EVC: variants seen among roughly 807,000 people sequenced by gnomAD.
The protein encoded by EVC is evC complex member EVC.
A neutral mutation model predicts 118.9 loss-of-function variants in EVC; 116 were observed. That is an observed-to-expected ratio of 0.98 (90% confidence interval 0.84 to 1.14). The LOEUF (loss-of-function observed/expected upper bound fraction) is 1.14, where lower values mean the gene tolerates loss of function less well. EVC is among the 50% of genes most tolerant of loss of function. EVC has a pLI of 0.00. For missense variants in EVC, 1,401 were observed against 1,246.4 expected, an observed-to-expected ratio of 1.12 and a Z score of -1.87; for synonymous variants, 619 against 534.7, an observed-to-expected ratio of 1.16 and a Z score of -2.18.
At chr4:5,734,613 C>T (rs1727375336) in intron 5 of EVC, among the ~76,000 whole-genome samples, 1 of 152,206 alleles carries the variant, frequency 6.6e-6, no homozygotes, top group Admixed American at 6.5e-5. Context: ...ACTGTGATCA[C>T]ACCACTGCAC....
In EVC at chr4:5,742,045, A is replaced by T. The variant is rs113335641; in HGVS notation, c.801+231A>T. Among the ~76,000 whole-genome samples, 6 of 140,332 alleles carry T rather than the reference A, an allele frequency of 4.3e-5. No homozygotes were observed. The highest frequency in any genetic ancestry group is 1.6e-4 in the African/African-American group (6 of 36,458). 92.1% of individuals were successfully genotyped at this position (140,332 alleles called of 152,430 possible). A position where few individuals can be genotyped will look rare whatever the true frequency, so the allele number is the denominator to read the frequency against. ...GAGAATAATATTGGTCATATCTACT[A>T]CTCAAAGACGGTCACTGTTAATGTT... On this transcript the variant is annotated intron_variant, in intron 6 of 20. Coordinates refer to ENST00000264956, the MANE Select transcript of EVC (RefSeq NM_153717.3). This position sits in a 1 kb window ranked among gnomAD's most constrained non-coding sequence, Gnocchi z 5.2.
chr4:5,783,560 C>T lies in EVC; in HGVS notation c.1572C>T (p.Tyr524=), dbSNP rs1735952327. ...GTGGTTCTCCGCTCCAGGAGCTGTA[C>T]TTCAGCACCGTGGACACTTTCCAGA... ...EAVVALCQEL[Y]FSTVDTFQKF... Residue 524 remains tyrosine (Y), a synonymous_variant, in exon 12 of 21, where the codon TAC becomes TAT. Transcript: ENST00000264956. 6.2e-7 allele frequency: 1 copy of T among 1,614,158 alleles called. No individual in the cohort carries two copies. The highest frequency in any genetic ancestry group is 1.6e-4 in the Middle Eastern group (1 of 6,062).
intron 1 of EVC, among the ~76,000 whole-genome samples, chr4:5,715,228 C>A (rs1296760523): frequency 6.6e-6 from 1 of 152,184 alleles, no homozygotes; most frequent in African/African-American, 2.4e-5. Context: ...TCCATTTTAT[C>A]TTCTTGAGAA....
intron 17 of EVC, among the ~76,000 whole-genome samples, chr4:5,805,669 G>C (rs1715755254): frequency 1.3e-5 from 2 of 152,134 alleles, no homozygotes; most frequent in African/African-American, 4.8e-5. Flanking sequence ...CGCACCAAGG[G>C]ATACTGATAG....
At chr4:5,711,577 GGCGGGGCGGGGAGC>G in intron 1 of EVC, 23 bp downstream of exon 1, 2 of 1,164,284 alleles carry the variant, frequency 1.7e-6, no homozygotes, top group Non-Finnish European at 2.1e-6. Flanking sequence ...AGCAGACAGC[GGCGGGGCGGGGAGC>G]GCGGGGCGCG....
intron 9 of EVC, 141 bp from the exon 10 acceptor site, chr4:5,753,644 G>C: frequency 9.2e-7 from 1 of 1,084,858 alleles, no homozygotes; most frequent in Non-Finnish European, 1.4e-6. Flanking sequence ...AAAAACCCAG[G>C]TGTGTCACCA....
chr4:5,751,088 G>A (rs763055664), intron 8 of EVC, among the ~76,000 whole-genome samples: 7 of 152,228 alleles, frequency 4.6e-5, no homozygotes, highest in Non-Finnish European at 1.0e-4. Flanking sequence ...GGGACTGGCT[G>A]TAGATAATGG....
At chr4:5,730,801 G>C (rs995714355) in intron 3 of EVC, among the ~76,000 whole-genome samples, 1 of 152,132 alleles carries the variant, frequency 6.6e-6, no homozygotes, top group Non-Finnish European at 1.5e-5. Context: ...GTCACCAGGA[G>C]CGTCTAAGCC....
At chr4:5,773,314 C>T (rs1734264845) in intron 11 of EVC, among the ~76,000 whole-genome samples, 1 of 152,104 alleles carries the variant, frequency 6.6e-6, no homozygotes. Flanking sequence ...TGCAGCTTGG[C>T]CAGCAGTTAG....
intron 13 of EVC, among the ~76,000 whole-genome samples, chr4:5,794,873 G>A (rs940591482): frequency 1.3e-5 from 2 of 152,104 alleles, no homozygotes; most frequent in South Asian, 2.1e-4. Context: ...CACCCCATAG[G>A]TAGTTTTTTA....
rs190602469 is a variant in EVC, at chr4:5,786,227, T to C, written c.1776+2463T>C. On this transcript the variant is annotated intron_variant, in intron 12 of 20. Coordinates refer to ENST00000264956, the MANE Select transcript of EVC (RefSeq NM_153717.3). ...TTCAGATAATGCAAGTTAAGACCTT[T>C]TGCACAATATCTGTTGAATCATTTA... 4.2e-3 allele frequency among the ~76,000 whole-genome samples: 633 copies of C among 152,332 alleles called. 1 individual carries two copies. The highest frequency in any genetic ancestry group is 0.015 in the African/African-American group (604 of 41,562).
chr4:5,792,571 C>T (rs1319372740), intron 12 of EVC, among the ~76,000 whole-genome samples: 2 of 152,116 alleles, frequency 1.3e-5, no homozygotes, highest in Admixed American at 6.5e-5. Context: ...TAAGTCAGGC[C>T]GTGAAAAGAT....
rs142999712 is a variant in EVC at position 5,789,552 on chromosome 4, C to A, written c.1777-4056C>A. Among the ~76,000 whole-genome samples, 27 of 152,346 alleles carry A rather than the reference C, an allele frequency of 1.8e-4. No individual in the cohort carries two copies. In the East Asian group the frequency reaches 5.2e-3, roughly 29 times the overall value. ...TAGGAGGACACTAACAAACTTTCAG[C>A]ACATGCTAGGCATCAATCAATAGAT... On this transcript the variant is annotated intron_variant, in intron 12 of 20. Transcript: ENST00000264956. This position sits in a 1 kb window ranked among gnomAD's most constrained non-coding sequence, Gnocchi z 4.3.
Position 5,798,654 on chromosome 4 carries a change from G to A in EVC, c.2166G>A (p.Gln722=). ...CACAGCAGACACGGCTGCAGCTCCA[G>A]CAGCGGCTCCTGGCCGAGGCCCAGG... ...EEAQQTRLQL[Q]QRLLAEAQEV... Residue 722 remains glutamine (Q), a synonymous_variant, in exon 15 of 21, where the codon CAG becomes CAA. Transcript: ENST00000264956. The surrounding 1 kb of genome is among the most constrained non-coding windows in gnomAD (Gnocchi z 4.1). The A allele has an allele frequency of 1.3e-6, 2 of 1,596,644 alleles. No individual in the cohort carries two copies. Among genetic ancestry groups the A allele is most frequent in the Non-Finnish European group, 1.7e-6 (2 of 1,173,406 alleles).
chr4:5,780,100 CAT>C (rs1466807778), intron 11 of EVC, among the ~76,000 whole-genome samples: 1 of 152,128 alleles, frequency 6.6e-6, no homozygotes, highest in Admixed American at 6.5e-5. Flanking sequence ...TTGAGATAAT[CAT>C]GTGGTTTTTG....
rs1375419771 is a variant in EVC, at chr4:5,749,844, C to T, written c.1098+1538C>T. ...CAAGCCTCAACGGATCTTTGCCTCC[C>T]CTTGCACACCACATGCCTCTCCCAA... is the stretch of plus-strand genomic sequence containing the variant. On this transcript the variant is annotated intron_variant, in intron 8 of 20. Transcript: ENST00000264956. This position sits in a 1 kb window ranked among gnomAD's most constrained non-coding sequence, Gnocchi z 4.4. 6.6e-6 allele frequency among the ~76,000 whole-genome samples: 1 copy of T among 152,152 alleles called. No individual in the cohort carries two copies. The highest frequency in any genetic ancestry group is 2.4e-5 in the African/African-American group (1 of 41,442).
Position 5,749,209 on chromosome 4 carries a change from C to T in EVC, c.1098+903C>T, listed in dbSNP as rs973342007. Among the ~76,000 whole-genome samples the T allele has an allele frequency of 6.6e-6, 1 of 151,960 alleles. No individual in the cohort carries two copies. The stretch of plus-strand genomic sequence containing the variant: ...TTTAAAACTCCCTGAACTATTCTGA[C>T]GGGAGGCCAGGGATACAAACCCCTG... On this transcript the variant is annotated intron_variant, in intron 8 of 20. Coordinates refer to ENST00000264956, the MANE Select transcript of EVC (RefSeq NM_153717.3). The surrounding 1 kb of genome is among the most constrained non-coding windows in gnomAD (Gnocchi z 4.4).
intron 5 of EVC, among the ~76,000 whole-genome samples, chr4:5,740,439 C>G (rs373028778): frequency 1.9e-4 from 28 of 146,496 alleles, no homozygotes; most frequent in African/African-American, 7.1e-4. Context: ...CCACTGCACT[C>G]TAGCCTGGAC....
At chr4:5,796,588 G>C (rs1415783449) in intron 13 of EVC, among the ~76,000 whole-genome samples, 1 of 152,016 alleles carries the variant, frequency 6.6e-6, no homozygotes, top group East Asian at 1.9e-4. Context: ...CTGACTGTCA[G>C]ACCTCTGTTC....
Sources: gnomAD v4.1 joint callset for allele counts (sites outside exome capture counted in the v4.1 genomes callset) on GRCh38, gnomAD v4.1.1 for gene constraint, Gnocchi (gnomAD v3.1) non-coding constraint, MANE v1.5 for transcripts, NCBI Gene and HGNC (gene_info 2026-07-23, HGNC 2026-07-21) for gene names.